The following SCHIP1 variants were observed in gnomAD, a reference collection of about 807,000 sequenced individuals.
The protein encoded by SCHIP1 is schwannomin interacting protein 1.
A neutral mutation model predicts 29.7 loss-of-function variants in SCHIP1; 8 were observed. That is an observed-to-expected ratio of 0.27 (90% CI 0.16 to 0.49). The LOEUF (loss-of-function observed/expected upper bound fraction) is 0.49, where lower values mean the gene tolerates loss of function less well. SCHIP1 is among the 20% of genes least tolerant of loss of function. The pLI is 0.99. For missense variants in SCHIP1, 193 were observed against 294.6 expected, an observed-to-expected ratio of 0.66 and a Z score of 2.52; for synonymous variants, 76 against 94.9, an observed-to-expected ratio of 0.80 and a Z score of 1.16.
the SCHIP1 span, among the ~76,000 whole-genome samples, chr3:159,626,234 ATATATCTATCTATC>A: frequency 1.2e-3 from 115 of 97,388 alleles, 2 homozygotes; most frequent in African/African-American, 6.9e-3. Flanking sequence ...ATATATCTAG[ATATATCTATCTATC>A]TATATAGATA....
the SCHIP1 span, among the ~76,000 whole-genome samples, chr3:159,624,921 A>G: frequency 1.1e-4 from 17 of 152,186 alleles, no homozygotes; most frequent in Non-Finnish European, 2.4e-4. Flanking sequence ...TATACCCTCT[A>G]AAACCCTCAC....
the SCHIP1 span, among the ~76,000 whole-genome samples, chr3:159,513,022 T>C: frequency 3.9e-5 from 6 of 152,336 alleles, no homozygotes; most frequent in Admixed American, 2.0e-4. Context: ...AGGTATCAAA[T>C]TGGATAACTC....
chr3:159,290,383 G>A, the SCHIP1 span, among the ~76,000 whole-genome samples: 27 of 152,226 alleles, frequency 1.8e-4, no homozygotes, highest in Admixed American at 1.5e-3. Context: ...AAACCTAATG[G>A]AACTAATGAA....
chr3:159,788,061 C>A, the SCHIP1 span, among the ~76,000 whole-genome samples: 5 of 152,048 alleles, frequency 3.3e-5, no homozygotes, highest in Admixed American at 2.0e-4. Flanking sequence ...GACTTTTGAC[C>A]CGTCTTCAAT....
chr3:159,726,498 T>A, the SCHIP1 span, among the ~76,000 whole-genome samples: 188 of 152,358 alleles, frequency 1.2e-3, no homozygotes, highest in African/African-American at 4.4e-3. Flanking sequence ...CTTATTGCCT[T>A]GCTCATCAGC....
At chr3:159,474,962 G>A in the SCHIP1 span, among the ~76,000 whole-genome samples, 13 of 152,132 alleles carry the variant, frequency 8.5e-5, no homozygotes, top group Non-Finnish European at 1.8e-4. Flanking sequence ...TGATAAACAC[G>A]TAGAGAAATT....
chr3:159,349,873 T>C, the SCHIP1 span, among the ~76,000 whole-genome samples: 1 of 152,228 alleles, frequency 6.6e-6, no homozygotes, highest in Non-Finnish European at 1.5e-5. Context: ...AATCCTTCCA[T>C]AGCTAAACAG....
the SCHIP1 span, among the ~76,000 whole-genome samples, chr3:159,774,107 G>A: frequency 1.3e-5 from 2 of 152,168 alleles, no homozygotes; most frequent in Non-Finnish European, 2.9e-5. Flanking sequence ...TAAGGACAGG[G>A]AAATACATTT....
intron 1 of SCHIP1, among the ~76,000 whole-genome samples, chr3:159,851,539 C>T (rs1319665471): frequency 2.4e-5 from 3 of 126,318 alleles, no homozygotes; most frequent in Non-Finnish European, 4.9e-5. Context: ...CATAGCAACC[C>T]CTCCCTCAAT....
chr3:159,432,277 G>T, the SCHIP1 span, among the ~76,000 whole-genome samples: 7 of 145,130 alleles, frequency 4.8e-5, no homozygotes, highest in East Asian at 8.3e-4. Flanking sequence ...CCTTCCTCCA[G>T]AGTAGGTGAT....
the SCHIP1 span, among the ~76,000 whole-genome samples, chr3:159,438,677 T>C: frequency 2.0e-5 from 3 of 152,158 alleles, no homozygotes; most frequent in Admixed American, 2.0e-4. Flanking sequence ...GTGTGTGTTG[T>C]TTCCCCCATG....
At chr3:159,564,224 G>A in the SCHIP1 span, among the ~76,000 whole-genome samples, 1 of 152,098 alleles carries the variant, frequency 6.6e-6, no homozygotes, top group African/African-American at 2.4e-5. Flanking sequence ...GGGGGATAAT[G>A]CACACACAGA....
the SCHIP1 span, among the ~76,000 whole-genome samples, chr3:159,359,758 A>G: frequency 1.8e-4 from 28 of 152,330 alleles, no homozygotes; most frequent in Admixed American, 5.9e-4. Flanking sequence ...TAATCAAAAC[A>G]GAAGGAAGCT....
chr3:159,358,070 T>C, the SCHIP1 span, among the ~76,000 whole-genome samples: 14 of 152,304 alleles, frequency 9.2e-5, no homozygotes, highest in African/African-American at 3.1e-4. Flanking sequence ...GGTATGTGAA[T>C]AGCAGTCAAA....
chr3:159,810,672 A>G, the SCHIP1 span, among the ~76,000 whole-genome samples: 3 of 152,214 alleles, frequency 2.0e-5, no homozygotes, highest in South Asian at 4.1e-4. Context: ...ATAATATTCT[A>G]TTGTATGGCC....
chr3:159,538,669 T>C, the SCHIP1 span, among the ~76,000 whole-genome samples: 2 of 152,074 alleles, frequency 1.3e-5, no homozygotes, highest in South Asian at 4.1e-4. Flanking sequence ...TTAGGAAGCA[T>C]TGGTTTTGTT....
At chr3:159,396,721 T>C in the SCHIP1 span, among the ~76,000 whole-genome samples, 3 of 152,178 alleles carry the variant, frequency 2.0e-5, no homozygotes, top group African/African-American at 7.2e-5. Context: ...CCTTTGAGGG[T>C]AACCCGACCT....
chr3:159,336,562 G>T, the SCHIP1 span, among the ~76,000 whole-genome samples: 1 of 152,088 alleles, frequency 6.6e-6, no homozygotes, highest in African/African-American at 2.4e-5. Flanking sequence ...TTCTACATAT[G>T]GCTAGCCAGT....
At chr3:159,477,491 A>T in the SCHIP1 span, among the ~76,000 whole-genome samples, 9 of 152,130 alleles carry the variant, frequency 5.9e-5, no homozygotes, top group African/African-American at 2.2e-4. Flanking sequence ...CAGGTGTGAG[A>T]TGGTATCTCC....
Sources: gnomAD v4.1 joint callset for allele counts (sites outside exome capture counted in the v4.1 genomes callset) on GRCh38, gnomAD v4.1.1 for gene constraint, MANE v1.5 for transcripts, NCBI Gene and HGNC (gene_info 2026-07-23, HGNC 2026-07-21) for gene names.